Variants in ACSS2 observed in about 807,000 individuals in gnomAD.
ACSS2 encodes the protein acetyl-coenzyme A synthetase, cytoplasmic.
A neutral mutation model predicts 90.6 loss-of-function variants in ACSS2; 58 were observed. The observed-to-expected ratio is 0.64, with a 90% CI of 0.52 to 0.80. The LOEUF (loss-of-function observed/expected upper bound fraction) is 0.80. ACSS2 is among the 30% of genes least tolerant of loss of function. ACSS2 has a pLI of 0.00. For missense variants in ACSS2, 759 were observed against 912.0 expected, an observed-to-expected ratio of 0.83 and a Z score of 2.16; for synonymous variants, 300 against 330.9, an observed-to-expected ratio of 0.91 and a Z score of 1.01.
intron 1 of ACSS2, among the ~76,000 whole-genome samples, chr20:34,878,786 T>C (rs1471638332): frequency 2.0e-5 from 3 of 152,246 alleles, no homozygotes; most frequent in African/African-American, 7.2e-5. Flanking sequence ...CCAGTAGATT[T>C]ATCAAGACAC....
chr20:34,911,934 C>T (rs1288259640), intron 2 of ACSS2, among the ~76,000 whole-genome samples: 1 of 152,188 alleles, frequency 6.6e-6, no homozygotes, highest in African/African-American at 2.4e-5. Context: ...TCTCCTGCCT[C>T]AGCCTCCCAA....
At chr20:34,896,156 G>A (rs1461052999) in intron 2 of ACSS2, among the ~76,000 whole-genome samples, 1 of 152,214 alleles carries the variant, frequency 6.6e-6, no homozygotes, top group Non-Finnish European at 1.5e-5. Context: ...AAAGAGAAGA[G>A]GTACACAATC....
intron 13 of ACSS2, 165 bp downstream of exon 13, chr20:34,922,031 C>T: frequency 7.2e-7 from 1 of 1,392,424 alleles, no homozygotes; most frequent in Non-Finnish European, 9.3e-7. Context: ...ACCCTCGATA[C>T]TTTGCCTGCA....
At chr20:34,909,783 C>T (rs1412876144) in intron 2 of ACSS2, among the ~76,000 whole-genome samples, 14 of 149,702 alleles carry the variant, frequency 9.4e-5, no homozygotes, top group African/African-American at 2.2e-4. Context: ...GTGGTGTGAT[C>T]GCCGCTCGCT....
upstream of ACSS2, chr20:34,875,035 C>A (rs1261532437): frequency 5.6e-6 from 3 of 534,182 alleles, no homozygotes; most frequent in Non-Finnish European, 1.2e-5. Context: ...CCGCTTCAGG[C>A]CTCAGAATCA....
intron 15 of ACSS2, 73 bp from the exon 16 acceptor site, chr20:34,926,032 A>G (rs2081311358): frequency 6.5e-7 from 1 of 1,539,872 alleles, no homozygotes; most frequent in Non-Finnish European, 9.0e-7. Context: ...GGACTGCCCC[A>G]TGGGTACAGA....
At chr20:34,924,711 T>G (rs1478968954) in intron 14 of ACSS2, among the ~76,000 whole-genome samples, 5 of 151,712 alleles carry the variant, frequency 3.3e-5, no homozygotes, top group African/African-American at 9.7e-5. Context: ...TTGTTTGTTT[T>G]TTTTTTGAGA....
chr20:34,921,309 T>C (rs2081190447), intron 10 of ACSS2, 21 bp from the exon 11 acceptor site: 2 of 1,613,772 alleles, frequency 1.2e-6, no homozygotes, highest in Non-Finnish European at 1.7e-6. Context: ...AGCCTTCCTC[T>C]CTCCCATTCC....
At position 34,913,394 on chromosome 20, in the gene ACSS2, C is replaced by T. The variant is rs773768589; in HGVS notation, c.468C>T (p.Gly156=). ...CQFSNVLRKQ[G]IQKGDRVAIY... ...CATATTCTGTGCTTTTACCTGCAGGCATTCAGAAGGGGGACCGAGTGGCCA... is the reference window on the plus strand; with the variant it reads ...CATATTCTGTGCTTTTACCTGCAGGTATTCAGAAGGGGGACCGAGTGGCCA... Residue 156 remains glycine (G), a splice_region_variant and synonymous_variant, in exon 4 of 18, where the codon GGC becomes GGT. Transcript: ENST00000360596. 6 of 1,613,668 alleles carry T rather than the reference C, an allele frequency of 3.7e-6. No homozygotes were observed. In the South Asian group the frequency reaches 5.5e-5, roughly 15 times the overall value.
intron 1 of ACSS2, among the ~76,000 whole-genome samples, chr20:34,879,389 TCCA>T (rs2080012949): frequency 2.0e-5 from 3 of 151,900 alleles, no homozygotes; most frequent in Non-Finnish European, 2.9e-5. Flanking sequence ...CTAGTCAAAC[TCCA>T]CCACTTCCAA....
Position 34,925,686 on chromosome 20 carries a change from A to C in ACSS2, c.1658-12A>C. The C allele has an allele frequency of 6.2e-7, 1 of 1,611,250 alleles. No homozygotes were observed. The highest frequency in any genetic ancestry group is 1.3e-5 in the African/African-American group (1 of 74,982). ...AGGGTTTTTATTTATTAGGTTTTGC[A>C]TTTCTTCCCAGGCTGCCAGCGGGAC... is the stretch of plus-strand genomic sequence containing the variant. On this transcript the variant is annotated splice_polypyrimidine_tract_variant and intron_variant, in intron 14 of 17. Coordinates refer to ENST00000360596, the MANE Select transcript of ACSS2 (RefSeq NM_018677.4).
At chr20:34,883,738 G>A (rs1193782319) in intron 2 of ACSS2, among the ~76,000 whole-genome samples, 1 of 152,182 alleles carries the variant, frequency 6.6e-6, no homozygotes, top group East Asian at 1.9e-4. Flanking sequence ...ATTCAAGTCT[G>A]CCTGACTCCT....
chr20:34,921,984 T>C (rs186376743), intron 13 of ACSS2, 118 bp downstream of exon 13: 545 of 1,494,464 alleles, frequency 3.6e-4, no homozygotes, highest in Non-Finnish European at 4.7e-4. Flanking sequence ...TGAAACTTCA[T>C]GGTTGGAGGT....
At chr20:34,917,623 T>C (rs2081101328) in intron 7 of ACSS2, among the ~76,000 whole-genome samples, 1 of 152,224 alleles carries the variant, frequency 6.6e-6, no homozygotes, top group Non-Finnish European at 1.5e-5. Context: ...CATGTCTACC[T>C]GCCAGCCAGG....
Position 34,920,676 on chromosome 20 carries a change from T to C in ACSS2, c.1110T>C (p.Tyr370=). ...TCACTGGTCATTCCTACGTCACCTATGGGCCACTGGCCAATGGTGCCACCA... is the reference window on the plus strand; with the variant it reads ...TCACTGGTCATTCCTACGTCACCTACGGGCCACTGGCCAATGGTGCCACCA... ...GWITGHSYVT[Y]GPLANGATSV... Residue 370 remains tyrosine (Y), a synonymous_variant, in exon 9 of 18, where the codon TAT becomes TAC. Coordinates refer to ENST00000360596, the MANE Select transcript of ACSS2 (RefSeq NM_018677.4). 6.2e-7 allele frequency: 1 copy of C among 1,613,782 alleles called. No individual in the cohort carries two copies.
intron 9 of ACSS2, 129 bp downstream of exon 9, chr20:34,920,838 C>A: frequency 6.9e-7 from 1 of 1,457,652 alleles, no homozygotes. Context: ...AAAGAGAAGT[C>A]CTGAGGGGGT....
chr20:34,887,845 C>T (rs916117435), intron 2 of ACSS2, among the ~76,000 whole-genome samples: 20 of 151,056 alleles, frequency 1.3e-4, no homozygotes, highest in Non-Finnish European at 1.9e-4. Context: ...CTGAGGCGGG[C>T]GGATCACCTT....
At chr20:34,924,004 G>A (rs965335731) in intron 14 of ACSS2, among the ~76,000 whole-genome samples, 1 of 152,186 alleles carries the variant, frequency 6.6e-6, no homozygotes, top group Non-Finnish European at 1.5e-5. Context: ...TACAAAGACT[G>A]TAAGGGCAGG....
chr20:34,910,634 A>C (rs775700574), intron 2 of ACSS2, among the ~76,000 whole-genome samples: 7 of 152,212 alleles, frequency 4.6e-5, no homozygotes, highest in Non-Finnish European at 7.3e-5. Flanking sequence ...CAGCCTATCA[A>C]TAGAGTGAGA....
Sources: allele counts gnomAD v4.1 joint callset (sites outside exome capture counted in the v4.1 genomes callset), GRCh38; gene constraint gnomAD v4.1.1; transcripts MANE v1.5; gene names NCBI Gene and HGNC (gene_info 2026-07-23, HGNC 2026-07-21).